ADD3: variants seen among roughly 807,000 people sequenced by gnomAD.
ADD3 encodes the protein adducin 3.
A neutral mutation model predicts 80.2 loss-of-function variants in ADD3; 25 were observed. The observed-to-expected ratio is 0.31, with a 90% CI of 0.23 to 0.44. The LOEUF (loss-of-function observed/expected upper bound fraction) is 0.44. Among genes scored for constraint, ADD3 ranks in the 20% least tolerant of loss-of-function variants. The pLI, the probability that ADD3 is intolerant of heterozygous loss-of-function variation, is 1.00. For synonymous variants in ADD3, 284 were observed against 289.6 expected (o/e 0.98, Z 0.20); for missense variants, 829 against 847.5 (o/e 0.98, Z 0.27).
chr10:110,069,632 G>A (rs1043375516), intron 1 of ADD3, among the ~76,000 whole-genome samples: 2 of 152,018 alleles, frequency 1.3e-5, no homozygotes, highest in Non-Finnish European at 1.5e-5. Context: ...ATAGGGTGTA[G>A]TATAATGTAG....
chr10:110,072,700 C>T (rs1310988181), intron 1 of ADD3, among the ~76,000 whole-genome samples: 4 of 152,182 alleles, frequency 2.6e-5, no homozygotes, highest in Non-Finnish European at 5.9e-5. Context: ...TCTTCTGAAG[C>T]ATGAACACCA....
intron 1 of ADD3, among the ~76,000 whole-genome samples, chr10:110,057,425 A>G (rs867039402): frequency 3.9e-5 from 6 of 152,134 alleles, no homozygotes; most frequent in South Asian, 4.1e-4. Context: ...GGGTTTCCCA[A>G]AGTGCTGGGA....
intron 1 of ADD3, among the ~76,000 whole-genome samples, chr10:110,071,370 CTTAAA>C (rs1249737482): frequency 2.3e-4 from 35 of 152,238 alleles, no homozygotes; most frequent in African/African-American, 7.9e-4. Context: ...GTAATGTATA[CTTAAA>C]TTTAAGAGGA....
intron 4 of ADD3, among the ~76,000 whole-genome samples, chr10:110,116,729 A>G (rs1850778557): frequency 6.6e-6 from 1 of 152,248 alleles, no homozygotes; most frequent in Non-Finnish European, 1.5e-5. Flanking sequence ...GGCTTTAAAA[A>G]GCATTTGAGG....
intron 10 of ADD3, among the ~76,000 whole-genome samples, chr10:110,124,921 A>T (rs959246079): frequency 6.6e-6 from 1 of 152,066 alleles, no homozygotes; most frequent in South Asian, 2.1e-4. Flanking sequence ...CATTATGAGA[A>T]TTTTTTGTGA....
chr10:110,130,059 T>A (rs1852750537), intron 12 of ADD3, among the ~76,000 whole-genome samples: 1 of 152,062 alleles, frequency 6.6e-6, no homozygotes, highest in African/African-American at 2.4e-5. Context: ...TTTTTTCAAG[T>A]TTTTTTTATG....
upstream of ADD3, among the ~76,000 whole-genome samples, chr10:110,002,483 C>T (rs1851506099): frequency 2.6e-5 from 4 of 151,936 alleles, no homozygotes; most frequent in Admixed American, 2.0e-4. Flanking sequence ...ATGGTGTTAG[C>T]CAGGATGGTC....
intron 10 of ADD3, among the ~76,000 whole-genome samples, chr10:110,124,757 G>A (rs1338840630): frequency 6.6e-6 from 1 of 152,124 alleles, no homozygotes; most frequent in African/African-American, 2.4e-5. Flanking sequence ...AGAGAAATGG[G>A]TTATTTTATC....
At chr10:110,004,006 AAG>A (rs1227569912), upstream of ADD3, among the ~76,000 whole-genome samples, 1 of 152,142 alleles carries the variant, frequency 6.6e-6, no homozygotes, top group Non-Finnish European at 1.5e-5. Context: ...GCCTTTATAT[AAG>A]AGACTGTGCT....
chr10:110,014,287 C>T (rs1486075131), intron 1 of ADD3, among the ~76,000 whole-genome samples: 1 of 152,130 alleles, frequency 6.6e-6, no homozygotes. Context: ...GAAGGTCAGC[C>T]TTTTAATATC....
chr10:110,029,734 G>A (rs1334483101), intron 1 of ADD3, among the ~76,000 whole-genome samples: 1 of 152,008 alleles, frequency 6.6e-6, no homozygotes, highest in African/African-American at 2.4e-5. Context: ...TTTTTGAATT[G>A]CAAAAAAGCA....
intron 1 of ADD3, among the ~76,000 whole-genome samples, chr10:110,012,579 A>G (rs950374574): frequency 6.6e-6 from 1 of 152,230 alleles, no homozygotes; most frequent in Non-Finnish European, 1.5e-5. Flanking sequence ...AGCATAATCC[A>G]AATAGTAGTA....
At chr10:110,127,420 C>T (rs1293041889) in intron 12 of ADD3, among the ~76,000 whole-genome samples, 1 of 152,138 alleles carries the variant, frequency 6.6e-6, no homozygotes, top group Non-Finnish European at 1.5e-5. Flanking sequence ...AGATCAAGAC[C>T]ATCCTGGCCA....
intron 1 of ADD3, among the ~76,000 whole-genome samples, chr10:110,095,498 T>C (rs764969827): frequency 6.6e-6 from 1 of 152,220 alleles, no homozygotes; most frequent in Non-Finnish European, 1.5e-5. Context: ...TTCTTTCACT[T>C]ACAATGTTTT....
intron 2 of ADD3, 54 bp downstream of exon 2, chr10:110,100,902 A>C: frequency 6.7e-7 from 1 of 1,486,770 alleles, no homozygotes; most frequent in Non-Finnish European, 9.0e-7. Flanking sequence ...ATGTTAGTAT[A>C]ATAAGGTAGA....
chr10:110,036,439 G>C (rs1165823866), intron 1 of ADD3, among the ~76,000 whole-genome samples: 8 of 148,538 alleles, frequency 5.4e-5, no homozygotes, highest in Non-Finnish European at 1.2e-4. Flanking sequence ...GAGTGCAGTG[G>C]CGTGGTCTCA....
At chr10:110,078,414 C>T (rs549858942) in intron 1 of ADD3, among the ~76,000 whole-genome samples, 1 of 152,272 alleles carries the variant, frequency 6.6e-6, no homozygotes, top group East Asian at 1.9e-4. Context: ...CTCAGTAATT[C>T]TTATAAGTGA....
intron 1 of ADD3, among the ~76,000 whole-genome samples, chr10:110,017,406 A>G (rs560373399): frequency 5.9e-5 from 9 of 152,328 alleles, no homozygotes; most frequent in East Asian, 1.9e-4. Context: ...GATTTTGTCT[A>G]TGTTAACTTT....
chr10:110,115,848 A>G (rs992133638), intron 3 of ADD3, among the ~76,000 whole-genome samples: 4 of 152,214 alleles, frequency 2.6e-5, no homozygotes, highest in African/African-American at 9.7e-5. Flanking sequence ...TTCCATCTCA[A>G]ATGTTTTTTG....
Sources: gnomAD v4.1 joint callset for allele counts (sites outside exome capture counted in the v4.1 genomes callset) on GRCh38, gnomAD v4.1.1 for gene constraint, MANE v1.5 for transcripts, NCBI Gene and HGNC (gene_info 2026-07-23, HGNC 2026-07-21) for gene names.